The following DOCK8 variants were observed in gnomAD, a reference collection of about 807,000 sequenced individuals.
DOCK8 encodes the protein dedicator of cytokinesis protein 8.
Under a neutral mutation model 245.6 loss-of-function variants are expected in DOCK8, and 141 were observed. That is an observed-to-expected ratio of 0.57 (90% confidence interval 0.50 to 0.66). The LOEUF is 0.66. Ranked by LOEUF, DOCK8 falls within the 30% of genes least tolerant of loss-of-function variation. The pLI is 0.00. For missense variants in DOCK8, 2,965 were observed against 2,603.4 expected, an observed-to-expected ratio of 1.14 and a Z score of -3.02; for synonymous variants, 1,168 against 970.2, an observed-to-expected ratio of 1.20 and a Z score of -3.79.
chr9:444,939 C>T (rs886215547), intron 43 of DOCK8, among the ~76,000 whole-genome samples: 2 of 152,206 alleles, frequency 1.3e-5, no homozygotes, highest in Non-Finnish European at 2.9e-5. Flanking sequence ...GACCATTCAC[C>T]ATCTAGCAAA....
chr9:226,624 C>CAA (rs1324900776), intron 1 of DOCK8, among the ~76,000 whole-genome samples: 1 of 149,158 alleles, frequency 6.7e-6, no homozygotes, highest in African/African-American at 2.5e-5. Flanking sequence ...CAATGAAAAA[C>CAA]AAAAAAAAAG....
At chr9:319,289 T>G (rs1331344763) in intron 7 of DOCK8, among the ~76,000 whole-genome samples, 2 of 151,994 alleles carry the variant, frequency 1.3e-5, no homozygotes, top group Non-Finnish European at 2.9e-5. Flanking sequence ...TCTCTAAAAT[T>G]AAAAAAAGAG....
intron 1 of DOCK8, among the ~76,000 whole-genome samples, chr9:224,622 T>A (rs1459712221): frequency 6.6e-6 from 1 of 152,164 alleles, no homozygotes; most frequent in African/African-American, 2.4e-5. Context: ...AGCCAAAACC[T>A]TCTTTGGCAG....
At chr9:420,308 T>G in intron 30 of DOCK8, 93 bp from the exon 31 acceptor site, 3 of 1,369,372 alleles carry the variant, frequency 2.2e-6, no homozygotes, top group Non-Finnish European at 3.1e-6. Context: ...AGAGAACACT[T>G]TGAATTTTTC....
chr9:413,632 G>A (rs909102041), intron 28 of DOCK8, among the ~76,000 whole-genome samples: 34 of 152,156 alleles, frequency 2.2e-4, no homozygotes, highest in African/African-American at 8.2e-4. Context: ...AGAAGATACA[G>A]CCATAAGACC....
intron 14 of DOCK8, among the ~76,000 whole-genome samples, chr9:351,100 A>C (rs1001770740): frequency 6.6e-6 from 1 of 152,178 alleles, no homozygotes; most frequent in Admixed American, 6.5e-5. Flanking sequence ...TGCCAGCGAC[A>C]TCCCTAATTT....
intron 42 of DOCK8, 71 bp downstream of exon 42, chr9:442,080 A>T: frequency 1.3e-6 from 2 of 1,589,814 alleles, no homozygotes; most frequent in South Asian, 1.1e-5. Flanking sequence ...GTCATCACCA[A>T]AAATAAACAA....
intron 24 of DOCK8, among the ~76,000 whole-genome samples, chr9:394,137 A>G (rs1267325162): frequency 6.6e-6 from 1 of 152,136 alleles, no homozygotes; most frequent in Non-Finnish European, 1.5e-5. Context: ...CTCCCACGTA[A>G]TGATCCCCTT....
chr9:300,806 G>C (rs988767613), intron 4 of DOCK8, among the ~76,000 whole-genome samples: 1 of 152,110 alleles, frequency 6.6e-6, no homozygotes. Flanking sequence ...GGAAGAAATT[G>C]AAATCTTGAA....
chr9:450,569 C>G (rs2087649902), intron 45 of DOCK8, among the ~76,000 whole-genome samples: 1 of 152,168 alleles, frequency 6.6e-6, no homozygotes, highest in Non-Finnish European at 1.5e-5. Context: ...AAATCTAGAT[C>G]TGTTCTTGTC....
chr9:221,295 A>G (rs2046876977), intron 1 of DOCK8, among the ~76,000 whole-genome samples: 1 of 152,144 alleles, frequency 6.6e-6, no homozygotes, highest in South Asian at 2.1e-4. Context: ...GTTCATCATC[A>G]CAGATAGGAA....
chr9:266,444 T>C (rs754839288), intron 1 of DOCK8, among the ~76,000 whole-genome samples: 1 of 152,176 alleles, frequency 6.6e-6, no homozygotes, highest in Non-Finnish European at 1.5e-5. Context: ...TTATGCTTTA[T>C]TGAACATAAA....
intron 9 of DOCK8, among the ~76,000 whole-genome samples, chr9:328,941 CTTTTTTTTTT>C (rs1165346763): frequency 2.2e-4 from 16 of 71,348 alleles, no homozygotes; most frequent in African/African-American, 6.9e-4. Flanking sequence ...CTTATTGATT[CTTTTTTTTTT>C]TTTTTTTTTT....
intron 1 of DOCK8, among the ~76,000 whole-genome samples, chr9:227,261 T>C (rs1386491694): frequency 6.6e-6 from 1 of 152,126 alleles, no homozygotes; most frequent in Non-Finnish European, 1.5e-5. Flanking sequence ...ATTATGAAAA[T>C]TGGAAATTAG....
intron 45 of DOCK8, among the ~76,000 whole-genome samples, chr9:451,668 C>T (rs1164403140): frequency 1.3e-5 from 2 of 151,938 alleles, no homozygotes; most frequent in African/African-American, 4.8e-5. Context: ...TACATTTATA[C>T]TTCTGAGTGT....
At chr9:443,393 T>A (rs752997387) in intron 42 of DOCK8, 34 bp from the exon 43 acceptor site, 7 of 1,591,038 alleles carry the variant, frequency 4.4e-6, no homozygotes, top group Non-Finnish European at 6.0e-6. Context: ...TATGTTAAAA[T>A]AACCTTTATA....
At chr9:346,945 A>C (rs546972018) in intron 14 of DOCK8, among the ~76,000 whole-genome samples, 1 of 152,244 alleles carries the variant, frequency 6.6e-6, no homozygotes. Context: ...AAAGGGACTT[A>C]ATTTCATCCA....
intron 2 of DOCK8, 23 bp downstream of exon 2, chr9:271,752 C>G (rs937334460): frequency 3.3e-6 from 5 of 1,526,480 alleles, no homozygotes; most frequent in African/African-American, 1.4e-5. Context: ...TCCAGGTTTA[C>G]TTAGCGATTG....
At chr9:297,892 C>A (rs1027868922) in intron 4 of DOCK8, among the ~76,000 whole-genome samples, 4 of 152,178 alleles carry the variant, frequency 2.6e-5, no homozygotes, top group African/African-American at 9.7e-5. Flanking sequence ...CTTTCCATAG[C>A]AAAAACCCTG....
Sources: allele counts gnomAD v4.1 joint callset (sites outside exome capture counted in the v4.1 genomes callset), GRCh38; gene constraint gnomAD v4.1.1; transcripts MANE v1.5; gene names NCBI Gene and HGNC (gene_info 2026-07-23, HGNC 2026-07-21).